CSF1: variants seen among roughly 807,000 people sequenced by gnomAD.
The protein encoded by CSF1 is colony stimulating factor 1, also known as macrophage colony-stimulating factor 1.
Under a neutral mutation model 48.9 loss-of-function variants are expected in CSF1, and 9 were observed. That is an observed-to-expected ratio of 0.18 (90% CI 0.11 to 0.32). The LOEUF (loss-of-function observed/expected upper bound fraction) is 0.32. Ranked by LOEUF, CSF1 falls within the 10% of genes least tolerant of loss-of-function variation. The pLI is 1.00. For missense variants in CSF1, 672 were observed against 697.9 expected (o/e 0.96, Z 0.42); for synonymous variants, 305 against 284.1 (o/e 1.07, Z -0.74).
In CSF1 at chr1:109,925,143, G is replaced by A. The variant is rs760126958; in HGVS notation, c.1623-4G>A. ...CTAATACCAGCCCTGTGCTCTGCCT[G>A]CAGCCCCCTGACTCAGGATGACAGA... On this transcript the variant is annotated splice_region_variant and splice_polypyrimidine_tract_variant and intron_variant, in intron 7 of 8. Coordinates refer to ENST00000329608, the MANE Select transcript of CSF1 (RefSeq NM_000757.6). 3 of 1,613,536 alleles carry A rather than the reference G, an allele frequency of 1.9e-6. No homozygotes were observed. The highest frequency in any genetic ancestry group is 2.5e-6 in the Non-Finnish European group (3 of 1,179,824).
intron 8 of CSF1, among the ~76,000 whole-genome samples, chr1:109,927,958 T>C (rs1324504326): frequency 6.6e-6 from 1 of 152,188 alleles, no homozygotes; most frequent in Non-Finnish European, 1.5e-5. Flanking sequence ...GCATGGCTCA[T>C]GTCCAGTTTA....
At chr1:109,927,611 C>A (rs545309664) in intron 8 of CSF1, among the ~76,000 whole-genome samples, 11 of 152,330 alleles carry the variant, frequency 7.2e-5, no homozygotes, top group African/African-American at 1.9e-4. Flanking sequence ...TCCTCTTCCC[C>A]CTCAAGATTT....
chr1:109,928,662 C>T (rs760421439), intron 8 of CSF1, among the ~76,000 whole-genome samples, 190 bp from the exon 9 acceptor site: 2 of 152,178 alleles, frequency 1.3e-5, no homozygotes, highest in Non-Finnish European at 2.9e-5. Flanking sequence ...GGGCCAGAGG[C>T]CTGGGCTGGT....
chr1:109,916,957 C>T (rs1647248851), intron 3 of CSF1, among the ~76,000 whole-genome samples: 1 of 152,106 alleles, frequency 6.6e-6, no homozygotes, highest in Admixed American at 6.5e-5. Flanking sequence ...GAAAGCAAGA[C>T]AAGAGGAAGA....
At chr1:109,913,340 A>G (rs1274782710) in intron 1 of CSF1, among the ~76,000 whole-genome samples, 2 of 152,192 alleles carry the variant, frequency 1.3e-5, no homozygotes, top group Admixed American at 6.5e-5. Flanking sequence ...AGCTGGAGAA[A>G]GAAAGCCCAA....
At chr1:109,915,012 AT>A (rs1465645224) in intron 2 of CSF1, among the ~76,000 whole-genome samples, 1 of 151,978 alleles carries the variant, frequency 6.6e-6, no homozygotes, top group East Asian at 1.9e-4. Flanking sequence ...CTCAGTGGGA[AT>A]TTACCATTCC....
intron 4 of CSF1, among the ~76,000 whole-genome samples, chr1:109,919,297 G>A (rs915214722): frequency 6.6e-6 from 1 of 152,132 alleles, no homozygotes. Context: ...GAAGTTCAGC[G>A]GCGCAATCAC....
chr1:109,924,372 G>A (rs930298294), intron 6 of CSF1, among the ~76,000 whole-genome samples, 182 bp downstream of exon 6: 3 of 152,164 alleles, frequency 2.0e-5, no homozygotes, highest in African/African-American at 7.2e-5. Flanking sequence ...AATTGGGAAG[G>A]TTCAAGCTAT....
Position 109,924,845 on chromosome 1 carries a change from G to A in CSF1, c.1622+17G>A. 6.2e-7 allele frequency: 1 copy of A among 1,603,920 alleles called. No homozygotes were observed. Among genetic ancestry groups the A allele is most frequent in the Non-Finnish European group, 8.5e-7 (1 of 1,174,974 alleles). ...AGAGGGCAGGTGAGAGCTTGAGGTGGGGCTCTGGGAGGCACTGGGGGCCTG... is the reference window on the plus strand; with the variant it reads ...AGAGGGCAGGTGAGAGCTTGAGGTGAGGCTCTGGGAGGCACTGGGGGCCTG... On this transcript the variant is annotated intron_variant, in intron 7 of 8. Transcript: ENST00000329608.
intron 1 of CSF1, among the ~76,000 whole-genome samples, chr1:109,913,956 T>C (rs895037669): frequency 2.0e-5 from 3 of 152,242 alleles, no homozygotes; most frequent in Non-Finnish European, 2.9e-5. Flanking sequence ...CATTAAAATT[T>C]AGGCTGGTAG....
In CSF1 at chr1:109,923,471, G is replaced by A. The variant is rs368092176; in HGVS notation, c.850G>A (p.Val284Ile). 33 of 1,614,028 alleles carry A rather than the reference G, an allele frequency of 2.0e-5. No individual in the cohort carries two copies. The highest frequency in any genetic ancestry group is 2.6e-5 in the Non-Finnish European group (31 of 1,180,010). Reference sequence around the variant, plus strand: ...TGGCTCACCACAGCCTCGCCCCTCTGTCGGGGCCTTCAACCCCGGGATGGA... The same window carrying A: ...TGGCTCACCACAGCCTCGCCCCTCTATCGGGGCCTTCAACCCCGGGATGGA... ...IGGSPQPRPS[V>I]GAFNPGMEDI... Residue 284 changes from valine (V) to isoleucine (I), a missense_variant, in exon 6 of 9, where the codon GTC becomes ATC. Coordinates refer to ENST00000329608, the MANE Select transcript of CSF1 (RefSeq NM_000757.6).
chr1:109,925,517 A>G (rs1647806677), intron 8 of CSF1, among the ~76,000 whole-genome samples: 1 of 152,018 alleles, frequency 6.6e-6, no homozygotes, highest in Non-Finnish European at 1.5e-5. Context: ...TGGCCTTTAT[A>G]AGGTCTTTAC....
At chr1:109,913,294 G>T (rs1451312232) in intron 1 of CSF1, among the ~76,000 whole-genome samples, 1 of 152,222 alleles carries the variant, frequency 6.6e-6, no homozygotes, top group Non-Finnish European at 1.5e-5. Context: ...GGCATCAGCC[G>T]CCAGGAGGCT....
upstream of CSF1, chr1:109,910,588 CGCTCGTTT>C (rs1654630470): frequency 3.8e-6 from 1 of 263,354 alleles, no homozygotes; most frequent in Non-Finnish European, 8.1e-6. Context: ...GTGGAGCCCG[CGCTCGTTT>C]GCTGAAGGCT....
chr1:109,916,875 G>A (rs1647243009), intron 3 of CSF1, among the ~76,000 whole-genome samples: 1 of 152,126 alleles, frequency 6.6e-6, no homozygotes, highest in Non-Finnish European at 1.5e-5. Flanking sequence ...TTATTCTTTG[G>A]ACCATGAGAT....
At chr1:109,916,350 G>A (rs974088217) in intron 3 of CSF1, among the ~76,000 whole-genome samples, 1 of 152,008 alleles carries the variant, frequency 6.6e-6, no homozygotes, top group Non-Finnish European at 1.5e-5. Context: ...TTTCTGAAAC[G>A]CCAACCTGCT....
At chr1:109,917,506 G>T (rs1265220757) in intron 4 of CSF1, 43 bp downstream of exon 4, 1 of 1,602,684 alleles carries the variant, frequency 6.2e-7, no homozygotes. Flanking sequence ...AGGGCAGAGG[G>T]TGGCTGTGGA....
Position 109,929,598 on chromosome 1 carries a change from C to T in CSF1, c.*760C>T, listed in dbSNP as rs886958216. On this transcript the variant is annotated 3_prime_UTR_variant, in exon 9 of 9. Transcript: ENST00000329608. ...CCTTCCAGCACCTGCCAGAGCTTCT[C>T]CAGGAGGCCAAGCAGAGGCTCCCCT... 5.2e-5 allele frequency: 8 copies of T among 153,210 alleles called. No homozygotes were observed. Among genetic ancestry groups the T allele is most frequent in the African/African-American group, 1.9e-4 (8 of 41,568 alleles). The allele number at this position is 153,210 out of a possible 1,614,324, so 9.5% of individuals were successfully genotyped here. A position where few individuals can be genotyped will look rare whatever the true frequency, so the allele number is the denominator to read the frequency against.
chr1:109,914,476 G>A (rs1670745831), intron 2 of CSF1, 95 bp downstream of exon 2: 9 of 1,430,880 alleles, frequency 6.3e-6, no homozygotes, highest in Non-Finnish European at 4.7e-6. Context: ...TTGCAGGCAG[G>A]AAAATAGGGC....
Sources: allele counts gnomAD v4.1 joint callset (sites outside exome capture counted in the v4.1 genomes callset), GRCh38; gene constraint gnomAD v4.1.1; transcripts MANE v1.5; gene names NCBI Gene and HGNC (gene_info 2026-07-23, HGNC 2026-07-21).